The following MINDY3 variants were observed in gnomAD, a reference collection of about 807,000 sequenced individuals.
The protein encoded by MINDY3 is ubiquitin carboxyl-terminal hydrolase MINDY-3.
MINDY3 carries 38 observed loss-of-function variants against 69.2 expected under a neutral mutation model. The observed-to-expected ratio is 0.55, with a 90% CI of 0.42 to 0.72. The LOEUF (loss-of-function observed/expected upper bound fraction) is 0.72, where lower values mean the gene tolerates loss of function less well. Among genes scored for constraint, MINDY3 ranks in the 30% least tolerant of loss-of-function variants. The pLI, the probability that MINDY3 is intolerant of heterozygous loss-of-function variation, is 0.00. For missense variants in MINDY3, 522 were observed against 519.0 expected, an observed-to-expected ratio of 1.01 and a Z score of -0.06; for synonymous variants, 192 against 180.1, an observed-to-expected ratio of 1.07 and a Z score of -0.53.
intron 9 of MINDY3, among the ~76,000 whole-genome samples, chr10:15,820,756 G>T (rs931313120): frequency 6.6e-6 from 1 of 152,148 alleles, no homozygotes; most frequent in African/African-American, 2.4e-5. Flanking sequence ...CATGATTATC[G>T]TTATTACATA....
intron 10 of MINDY3, among the ~76,000 whole-genome samples, chr10:15,799,328 A>T (rs1435739121): frequency 6.6e-6 from 1 of 151,938 alleles, no homozygotes; most frequent in Non-Finnish European, 1.5e-5. Context: ...CCTCCCTAGT[A>T]GCTGGGATTA....
chr10:15,841,999 C>G (rs1833501565), intron 3 of MINDY3, among the ~76,000 whole-genome samples: 1 of 151,598 alleles, frequency 6.6e-6, no homozygotes, highest in Non-Finnish European at 1.5e-5. Context: ...TCCCTCACAT[C>G]TGAATTAATC....
intron 9 of MINDY3, among the ~76,000 whole-genome samples, chr10:15,819,660 G>T (rs1447220087): frequency 1.3e-5 from 2 of 152,184 alleles, no homozygotes; most frequent in Non-Finnish European, 2.9e-5. Context: ...GTCCCCAGAT[G>T]CAATCCTGCA....
chr10:15,841,423 T>C lies in MINDY3; in HGVS notation c.409+3A>G. 1 of 1,602,440 alleles carries C rather than the reference T, an allele frequency of 6.2e-7. No individual in the cohort carries two copies. The highest frequency in any genetic ancestry group is 8.5e-7 in the Non-Finnish European group (1 of 1,174,768). On this transcript the variant is annotated splice_donor_region_variant and intron_variant, in intron 4 of 14. Transcript: ENST00000277632. ...AACTTCAGGAAATAAAAATATATCT[T>C]ACAAGAATGTTCCACTTGGCAACTA...
intron 12 of MINDY3, 114 bp from the exon 13 acceptor site, chr10:15,786,762 G>T: frequency 2.9e-6 from 2 of 683,146 alleles, no homozygotes; most frequent in Non-Finnish European, 5.2e-6. Flanking sequence ...AACACTAAGA[G>T]CTGTTCTTTT....
intron 13 of MINDY3, among the ~76,000 whole-genome samples, chr10:15,784,516 G>A (rs1251674254): frequency 1.3e-5 from 2 of 152,134 alleles, no homozygotes; most frequent in Non-Finnish European, 1.5e-5. Context: ...AGGCCAGGAC[G>A]GGTGGAACAC....
At chr10:15,859,360 G>A (rs1411840237) in intron 1 of MINDY3, among the ~76,000 whole-genome samples, 1 of 152,008 alleles carries the variant, frequency 6.6e-6, no homozygotes, top group Non-Finnish European at 1.5e-5. Context: ...TGATCCTTCT[G>A]ACTCAAGGTT....
At position 15,799,105 on chromosome 10, in the gene MINDY3, T is replaced by C. The variant is rs1297749237; in HGVS notation, c.883-2933A>G. 2.0e-5 allele frequency among the ~76,000 whole-genome samples: 3 copies of C among 152,258 alleles called. No individual in the cohort carries two copies. In the East Asian group the frequency reaches 5.8e-4, roughly 29 times the overall value. ...CCATGGCTATGTTCCAATAAAACTT[T>C]ACTGAAGCAGGTGGTGACTTTATTT... On this transcript the variant is annotated intron_variant, in intron 10 of 14. Transcript: ENST00000277632.
intron 1 of MINDY3, among the ~76,000 whole-genome samples, chr10:15,856,205 T>C (rs928579364): frequency 2.5e-4 from 38 of 152,086 alleles, no homozygotes; most frequent in African/African-American, 7.2e-4. Context: ...TTAAAATAAA[T>C]ACCCAAACAC....
At chr10:15,847,304 G>A (rs1000160339) in intron 2 of MINDY3, among the ~76,000 whole-genome samples, 7 of 152,114 alleles carry the variant, frequency 4.6e-5, no homozygotes, top group African/African-American at 1.7e-4. Flanking sequence ...AAGACATTCC[G>A]ATAAATCCTA....
chr10:15,813,978 CAAAAAAAAAAAAAAAA>C (rs1191355587), intron 10 of MINDY3, among the ~76,000 whole-genome samples: 1 of 66,336 alleles, frequency 1.5e-5, no homozygotes. Flanking sequence ...CACCAAAACT[CAAAAAAAAAAAAAAAA>C]GAAAAAGAAA....
chr10:15,858,249 C>T (rs946624223), intron 1 of MINDY3, among the ~76,000 whole-genome samples: 3 of 151,306 alleles, frequency 2.0e-5, no homozygotes, highest in South Asian at 2.1e-4. Flanking sequence ...ACCCTGTAAA[C>T]GAAAAAAAGA....
At chr10:15,834,377 A>G (rs1482930660) in intron 7 of MINDY3, among the ~76,000 whole-genome samples, 166 bp downstream of exon 7, 1 of 152,108 alleles carries the variant, frequency 6.6e-6, no homozygotes, top group African/African-American at 2.4e-5. Context: ...AACATTTCAT[A>G]CATCAAGCAA....
chr10:15,789,476 A>G lies in MINDY3; in HGVS notation c.956-157T>C, dbSNP rs142497433. Among the ~76,000 whole-genome samples the G allele has an allele frequency of 3.1e-3, 472 of 152,260 alleles. 3 individuals are homozygous for G. Among genetic ancestry groups the G allele is most frequent in the African/African-American group, 0.011 (448 of 41,578 alleles). ...TATTTTAGGCATAGTGCCTATTGCT[A>G]TTAGAGACCCTCTTCTATTTGTTTT... On this transcript the variant is annotated intron_variant, in intron 11 of 14. Coordinates refer to ENST00000277632, the MANE Select transcript of MINDY3 (RefSeq NM_024948.4).
intron 13 of MINDY3, 85 bp downstream of exon 13, chr10:15,786,476 T>C (rs1464028531): frequency 3.5e-6 from 3 of 858,850 alleles, no homozygotes; most frequent in South Asian, 1.5e-5. Context: ...ATTAGGACAT[T>C]GTACAGAAAG....
chr10:15,825,955 AAAT>A (rs1840058557), intron 8 of MINDY3, among the ~76,000 whole-genome samples: 1 of 152,172 alleles, frequency 6.6e-6, no homozygotes, highest in Non-Finnish European at 1.5e-5. Context: ...TATAAAATAA[AAAT>A]AATCATCAAA....
chr10:15,843,322 C>CA lies in MINDY3; in HGVS notation c.175-51dup, dbSNP rs1197572174. On this transcript the variant is annotated intron_variant, in intron 2 of 14. Transcript: ENST00000277632. ...AGTGAAATGCATTATAACCATACAT[C>CA]ATATCATTCTTCAATTTTAAAGTGG... The CA allele has an allele frequency of 2.9e-6, 4 of 1,388,918 alleles. No individual in the cohort carries two copies. The South Asian group carries it at 4.7e-5, about 16-fold the overall frequency. 86.0% of individuals were successfully genotyped at this position (1,388,918 alleles called of 1,614,324 possible). A position where few individuals can be genotyped will look rare whatever the true frequency, so the allele number is the denominator to read the frequency against.
At chr10:15,841,307 A>T in intron 4 of MINDY3, 119 bp downstream of exon 4, 1 of 762,578 alleles carries the variant, frequency 1.3e-6, no homozygotes, top group Non-Finnish European at 2.0e-6. Context: ...AATTAAGCTT[A>T]AGCTGGAAAA....
chr10:15,818,112 A>G (rs571302093), intron 9 of MINDY3: 1 of 152,312 alleles, frequency 6.6e-6, no homozygotes, highest in African/African-American at 2.4e-5. Context: ...CAATTTATAC[A>G]TAAGGAACCA....
Sources: gnomAD v4.1 joint callset for allele counts (sites outside exome capture counted in the v4.1 genomes callset) on GRCh38, gnomAD v4.1.1 for gene constraint, MANE v1.5 for transcripts, NCBI Gene and HGNC (gene_info 2026-07-23, HGNC 2026-07-21) for gene names.